LARP1B: variants seen among roughly 807,000 people sequenced by gnomAD.
The protein encoded by LARP1B is La ribonucleoprotein 1B.
A neutral mutation model predicts 114.2 loss-of-function variants in LARP1B; 76 were observed. That is an observed-to-expected ratio of 0.67 (90% confidence interval 0.55 to 0.81). The LOEUF is 0.81. Ranked by LOEUF, LARP1B falls within the 30% of genes least tolerant of loss-of-function variation. The pLI is 0.00. For missense variants in LARP1B, 1,014 were observed against 1,075.8 expected (o/e 0.94, Z 0.80); for synonymous variants, 345 against 348.0 (o/e 0.99, Z 0.10).
intron 1 of LARP1B, chr4:128,061,748 G>C: frequency 1.0e-6 from 1 of 984,958 alleles, no homozygotes; most frequent in Middle Eastern, 5.2e-4. Flanking sequence ...TCCGCCCGCG[G>C]TGACTGCTGA....
intron 8 of LARP1B, among the ~76,000 whole-genome samples, chr4:128,100,943 G>T (rs900992767): frequency 1.3e-5 from 2 of 150,062 alleles, no homozygotes; most frequent in Non-Finnish European, 3.0e-5. Context: ...TCAGCCTCCC[G>T]AGTAGCTGGG....
Position 128,122,063 on chromosome 4 carries a change from A to C in LARP1B, c.1399A>C (p.Thr467Pro). 1 of 1,614,134 alleles carries C rather than the reference A, an allele frequency of 6.2e-7. No individual in the cohort carries two copies. The highest frequency in any genetic ancestry group is 8.5e-7 in the Non-Finnish European group (1 of 1,180,004). Residue 467 changes from threonine (T) to proline (P), a missense_variant, in exon 11 of 20, where the codon ACA (threonine) becomes CCA (proline). By Grantham distance (38) the Thr-to-Pro change is conservative. Transcript: ENST00000326639. ...YVKKHPGGDR[T>P]GTHMSRAKIT... ...GAAAAAACATCCTGGAGGAGATCGAACAGGCACCCACATGTCTCGGGCAAA... is the reference window on the plus strand; with the variant it reads ...GAAAAAACATCCTGGAGGAGATCGACCAGGCACCCACATGTCTCGGGCAAA...
intron 8 of LARP1B, among the ~76,000 whole-genome samples, chr4:128,098,760 TATATA>T (rs1296733332): frequency 2.7e-5 from 1 of 37,680 alleles, no homozygotes. Context: ...TATATATATA[TATATA>T]TATTTTTTTT....
chr4:128,162,626 T>C (rs753350039), intron 12 of LARP1B, among the ~76,000 whole-genome samples: 1 of 152,122 alleles, frequency 6.6e-6, no homozygotes, highest in South Asian at 2.1e-4. Flanking sequence ...CACTGATCCT[T>C]AGAATGCGCT....
At chr4:128,062,150 A>G (rs890784071) in intron 1 of LARP1B, 45 of 985,054 alleles carry the variant, frequency 4.6e-5, no homozygotes, top group Non-Finnish European at 4.8e-5. Flanking sequence ...CTGGACCAAA[A>G]AGCCTCCCCA....
intron 11 of LARP1B, among the ~76,000 whole-genome samples, chr4:128,160,522 T>TTGTG (rs70966082): frequency 7.3e-5 from 11 of 150,736 alleles, no homozygotes; most frequent in African/African-American, 2.2e-4. Context: ...TGTACACTTC[T>TTGTG]TGTGTGTGTG....
intron 6 of LARP1B, 68 bp from the exon 7 acceptor site, chr4:128,091,279 C>T: frequency 6.6e-7 from 1 of 1,509,296 alleles, no homozygotes; most frequent in Non-Finnish European, 9.0e-7. Context: ...TGAAGTTCTT[C>T]ACTTTATCCG....
At chr4:128,126,158 G>A (rs1049159841) in intron 11 of LARP1B, among the ~76,000 whole-genome samples, 6 of 138,074 alleles carry the variant, frequency 4.3e-5, no homozygotes, top group Admixed American at 7.5e-5. Context: ...GTCTCTCTCC[G>A]TCACCCAGGC....
intron 11 of LARP1B, among the ~76,000 whole-genome samples, chr4:128,159,086 T>C (rs1246505410): frequency 1.3e-5 from 2 of 148,978 alleles, no homozygotes; most frequent in Non-Finnish European, 3.0e-5. Flanking sequence ...GGTGGGAAGA[T>C]CACCTGGGCC....
chr4:128,156,072 T>C, intron 11 of LARP1B: 2 of 1,595,360 alleles, frequency 1.3e-6, no homozygotes, highest in Non-Finnish European at 1.7e-6. Context: ...CCCTAACTCC[T>C]TTCACCCCCA....
chr4:128,152,497 C>T (rs1247784293), intron 11 of LARP1B, among the ~76,000 whole-genome samples: 6 of 151,830 alleles, frequency 4.0e-5, no homozygotes, highest in South Asian at 2.1e-4. Context: ...CCACTGCGCC[C>T]GGCCAACATG....
chr4:128,163,000 C>T (rs745396246), intron 12 of LARP1B, among the ~76,000 whole-genome samples: 115 of 152,040 alleles, frequency 7.6e-4, no homozygotes, highest in Non-Finnish European at 1.5e-3. Context: ...AGGGCTATAT[C>T]TTTTAACACA....
At position 128,108,889 on chromosome 4, in the gene LARP1B, A is replaced by G. The variant is rs1009082837; in HGVS notation, c.988+1576A>G. ...CATTTATGCATACTAATAAAATTAT[A>G]AGAATAAAATCATAATGTTGTACAT... On this transcript the variant is annotated intron_variant, in intron 9 of 19. Transcript: ENST00000326639. 2.1e-5 allele frequency: 20 copies of G among 947,444 alleles called. 1 individual carries two copies. The allele number at this position is 947,444 out of a possible 1,614,324, so 58.7% of individuals were successfully genotyped here.
At position 128,082,279 on chromosome 4, in the gene LARP1B, A is replaced by G; in HGVS notation, c.332A>G (p.His111Arg). 1.2e-6 allele frequency: 2 copies of G among 1,614,024 alleles called. No homozygotes were observed. Among genetic ancestry groups the G allele is most frequent in the Non-Finnish European group, 1.7e-6 (2 of 1,179,930 alleles). ...RCQPEANKPT[H>R]NNRRNDTRSW... Reference sequence around the variant, plus strand: ...CAACCTGAAGCAAATAAACCAACACATAACAATAGGAGAAATGATACACGA... The same window carrying G: ...CAACCTGAAGCAAATAAACCAACACGTAACAATAGGAGAAATGATACACGA... Residue 111 changes from histidine to arginine, a missense_variant, in exon 5 of 20, where the codon CAT becomes CGT. By Grantham distance (29) the His-to-Arg change is conservative (BLOSUM62 0). Coordinates refer to ENST00000326639, the MANE Select transcript of LARP1B (RefSeq NM_018078.4).
chr4:128,222,043 A>G (rs1004431239), intron 7 of LARP1B, among the ~76,000 whole-genome samples: 1 of 152,236 alleles, frequency 6.6e-6, no homozygotes, highest in Non-Finnish European at 1.5e-5. Context: ...GGCTGTGAAT[A>G]TAATTTTAAA....
rs773538508 is a variant in LARP1B at position 128,098,178 on chromosome 4, C to G, written c.669-8C>G. 2.5e-6 allele frequency: 4 copies of G among 1,595,940 alleles called. No homozygotes were observed. Among genetic ancestry groups the G allele is most frequent in the Middle Eastern group, 1.7e-4 (1 of 6,050 alleles). On this transcript the variant is annotated splice_polypyrimidine_tract_variant and splice_region_variant and intron_variant, in intron 7 of 19. Coordinates refer to ENST00000326639, the MANE Select transcript of LARP1B (RefSeq NM_018078.4). The stretch of plus-strand genomic sequence containing the variant: ...ATAAATGGATGAAATTCTGATTTCT[C>G]TTTTCAGTGAATATTACTTCAGTGT...
At chr4:128,193,810 G>T (rs113757565) in intron 15 of LARP1B, among the ~76,000 whole-genome samples, 23 of 152,064 alleles carry the variant, frequency 1.5e-4, no homozygotes, top group African/African-American at 5.3e-4. Flanking sequence ...TAGAGACAGG[G>T]TTTCACCATG....
At chr4:128,178,365 T>C (rs1156289042) in intron 13 of LARP1B, 66 bp from the exon 14 acceptor site, 2 of 1,152,950 alleles carry the variant, frequency 1.7e-6, no homozygotes, top group Non-Finnish European at 2.5e-6. Context: ...TACAAAATTA[T>C]CCTTATTCTC....
intron 14 of LARP1B, 157 bp from the exon 15 acceptor site, chr4:128,179,245 TTGTG>T (rs1463727822): frequency 4.5e-6 from 2 of 447,254 alleles, no homozygotes; most frequent in East Asian, 7.2e-5. Flanking sequence ...GTTTTGTAAC[TTGTG>T]TGTGAGATTT....
Sources: gnomAD v4.1 joint callset for allele counts (sites outside exome capture counted in the v4.1 genomes callset) on GRCh38, gnomAD v4.1.1 for gene constraint, MANE v1.5 for transcripts, NCBI Gene and HGNC (gene_info 2026-07-23, HGNC 2026-07-21) for gene names.